The following MATR3 variants were observed in gnomAD, a reference collection of about 807,000 sequenced individuals.
The protein encoded by MATR3 is matrin 3.
In MATR3, 4 loss-of-function variants were observed where a neutral mutation model predicts 85.5. The observed-to-expected ratio is 0.05, with a 90% confidence interval of 0.02 to 0.11. MATR3 has a LOEUF of 0.11. MATR3 is among the 10% of genes least tolerant of loss of function. MATR3 has a pLI of 1.00. For missense variants in MATR3, 685 were observed against 1,016.1 expected, an observed-to-expected ratio of 0.67 and a Z score of 4.43; for synonymous variants, 336 against 343.1, an observed-to-expected ratio of 0.98 and a Z score of 0.23.
intron 1 of MATR3, among the ~76,000 whole-genome samples, chr5:139,303,790 C>T (rs1362271907): frequency 6.6e-6 from 1 of 151,940 alleles, no homozygotes; most frequent in Admixed American, 6.6e-5. Flanking sequence ...TTTTCTAATA[C>T]CTTCTAAGAA....
chr5:139,318,487 C>CA (rs1755370485), intron 7 of MATR3, among the ~76,000 whole-genome samples: 1 of 152,116 alleles, frequency 6.6e-6, no homozygotes, highest in African/African-American at 2.4e-5. Context: ...GTCACTCTGT[C>CA]ACCTGGGCTG....
chr5:139,321,933 G>C lies in MATR3; in HGVS notation c.1638G>C (p.Met546Ile). 6.2e-7 allele frequency: 1 copy of C among 1,613,892 alleles called. No individual in the cohort carries two copies. Among genetic ancestry groups the C allele is most frequent in the Non-Finnish European group, 8.5e-7 (1 of 1,179,918 alleles). Reference sequence around the variant, plus strand: ...AGATGGAGACAAGAGAAGATGCAATGGCAATGGTTGACCATTGTTTGAAAA... The same window carrying C: ...AGATGGAGACAAGAGAAGATGCAATCGCAATGGTTGACCATTGTTTGAAAA... ...FIEMETREDA[M>I]AMVDHCLKKA... The change falls in exon 10 of 15, where the codon ATG becomes ATC. Residue 546 changes from methionine (M) to isoleucine (I), a missense_variant. Met to Ile is a conservative substitution (Grantham distance 10, BLOSUM62 1). This residue lies in a region of MATR3 where 50 missense variants were observed against 133.4 expected (regional missense o/e 0.37). Coordinates refer to ENST00000394805, the MANE Select transcript of MATR3 (RefSeq NM_018834.6).
At chr5:139,324,579 C>G (rs1315857441) in intron 12 of MATR3, among the ~76,000 whole-genome samples, 1 of 152,122 alleles carries the variant, frequency 6.6e-6, no homozygotes, top group African/African-American at 2.4e-5. Context: ...CAGGTGTGAG[C>G]CACCATGCCT....
intron 8 of MATR3, 25 bp downstream of exon 8, chr5:139,319,058 T>C: frequency 6.3e-7 from 1 of 1,592,196 alleles, no homozygotes; most frequent in Non-Finnish European, 8.6e-7. Context: ...TTTCAAGCTG[T>C]ATATCAGTTT....
chr5:139,310,389 A>G (rs2151966889), intron 2 of MATR3: 1 of 152,324 alleles, frequency 6.6e-6, no homozygotes, highest in East Asian at 1.9e-4. Flanking sequence ...AGAAGTTTAA[A>G]CACATGGATT....
Position 139,325,435 on chromosome 5 carries a change from T to C in MATR3, c.2149-5T>C. On this transcript the variant is annotated splice_polypyrimidine_tract_variant and splice_region_variant and intron_variant, in intron 12 of 14. Transcript: ENST00000394805. The stretch of plus-strand genomic sequence containing the variant: ...AAAAATGATGATGGTTTGGTTGAAA[T>C]TAAGGTGGACAAGATCGAGGAACTT... 1 of 1,542,014 alleles carries C rather than the reference T, an allele frequency of 6.5e-7. No homozygotes were observed. Among genetic ancestry groups the C allele is most frequent in the Non-Finnish European group, 8.9e-7 (1 of 1,124,344 alleles).
chr5:139,308,620 T>A (rs1754823163), intron 2 of MATR3, among the ~76,000 whole-genome samples: 1 of 152,228 alleles, frequency 6.6e-6, no homozygotes, highest in African/African-American at 2.4e-5. Flanking sequence ...TAAGCAGGTT[T>A]TTTTTGTCTG....
At position 139,308,210 on chromosome 5, in the gene MATR3, C is replaced by G. The variant is rs1354833142; in HGVS notation, c.795C>G (p.Leu265=). ...RGPGPLQERS[L]FEKKRGAPPS... ...CTGGCCCCTTACAAGAGAGATCTCT[C>G]TTTGAGAAAAAGAGAGGCGCTCCTC... Residue 265 remains leucine, a synonymous_variant, in exon 2 of 15, where the codon CTC becomes CTG. Coordinates refer to ENST00000394805, the MANE Select transcript of MATR3 (RefSeq NM_018834.6). The G allele has an allele frequency of 1.9e-6, 3 of 1,613,932 alleles. No individual in the cohort carries two copies. Among genetic ancestry groups the G allele is most frequent in the Non-Finnish European group, 1.7e-6 (2 of 1,180,004 alleles).
chr5:139,300,794 C>T (rs1336151587), intron 1 of MATR3, among the ~76,000 whole-genome samples: 1 of 152,146 alleles, frequency 6.6e-6, no homozygotes, highest in Non-Finnish European at 1.5e-5. Context: ...AGGCACATGC[C>T]ACCACACCTG....
chr5:139,318,313 T>C (rs1042020427), intron 7 of MATR3, among the ~76,000 whole-genome samples: 3 of 152,174 alleles, frequency 2.0e-5, no homozygotes, highest in Non-Finnish European at 4.4e-5. Context: ...TTTGTATTTT[T>C]AGTAGAGATG....
rs545613001 is a variant in MATR3 at position 139,301,137 on chromosome 5, C to A, written c.-177-6102C>A. Among the ~76,000 whole-genome samples the A allele has an allele frequency of 1.2e-4, 18 of 152,162 alleles. No homozygotes were observed. In the South Asian group the frequency reaches 1.7e-3, roughly 14 times the overall value. ...GCCTAATTTATCGAGTCTTTATGGCCTTATGAAGTAGGTATTATTTTTATT... is the reference window on the plus strand; with the variant it reads ...GCCTAATTTATCGAGTCTTTATGGCATTATGAAGTAGGTATTATTTTTATT... On this transcript the variant is annotated intron_variant, in intron 1 of 14. Transcript: ENST00000394805.
Position 139,328,832 on chromosome 5 carries a change from G to A in MATR3, c.2494-513G>A, listed in dbSNP as rs563713942. ...GCCTGGCCAACACGGTGAAAACCCC[G>A]TCTCTACCAAAAGTACAAAAAAATT... On this transcript the variant is annotated intron_variant, in intron 14 of 14. Transcript: ENST00000394805. Among the ~76,000 whole-genome samples the A allele has an allele frequency of 8.5e-5, 13 of 152,080 alleles. No individual in the cohort carries two copies. The South Asian group carries it at 1.2e-3, about 15-fold the overall frequency.
At chr5:139,326,356 A>G in intron 14 of MATR3, 72 bp downstream of exon 14, 2 of 1,439,222 alleles carry the variant, frequency 1.4e-6, no homozygotes, top group African/African-American at 1.4e-5. Context: ...GTATATAAGT[A>G]AAATGTGTAT....
chr5:139,307,411 C>A lies in MATR3; in HGVS notation c.-5C>A. 1 of 1,612,854 alleles carries A rather than the reference C, an allele frequency of 6.2e-7. No homozygotes were observed. Among genetic ancestry groups the A allele is most frequent in the South Asian group, 1.1e-5 (1 of 90,970 alleles). ...TCTATAAAATAGACAAGAGCTAGTT[C>A]TACAATGTCCAAGTCATTCCAGCAG... On this transcript the variant is annotated 5_prime_UTR_variant, in exon 2 of 15. Coordinates refer to ENST00000394805, the MANE Select transcript of MATR3 (RefSeq NM_018834.6). This position sits in a 1 kb window ranked among gnomAD's most constrained non-coding sequence, Gnocchi z 4.4.
At position 139,285,119 on chromosome 5, in the gene MATR3, T is replaced by A. The variant is rs1484177195; in HGVS notation, c.-178+5990T>A. 3 of 152,246 alleles carry A rather than the reference T, an allele frequency of 2.0e-5. No individual in the cohort carries two copies. The East Asian group carries it at 5.8e-4, about 29-fold the overall frequency. The allele number at this position is 152,246 out of a possible 1,614,324, so 9.4% of individuals were successfully genotyped here. A position where few individuals can be genotyped will look rare whatever the true frequency, so the allele number is the denominator to read the frequency against. On this transcript the variant is annotated intron_variant, in intron 3 of 16. Coordinates refer to ENST00000509990, the Ensembl canonical transcript of MATR3. The stretch of plus-strand genomic sequence containing the variant: ...GTACTGTTTGGTTTAGGAGCTTTCA[T>A]GTATAGTGCCCTCAAGTCTTGTAAA...
rs1754758951 is a variant in MATR3 at position 139,307,308 on chromosome 5, A to AC, written c.-108_-107insC. The AC allele has an allele frequency of 4.8e-6, 7 of 1,471,364 alleles. No homozygotes were observed. The highest frequency in any genetic ancestry group is 1.4e-5 in the African/African-American group (1 of 69,898). 91.1% of individuals were successfully genotyped at this position (1,471,364 alleles called of 1,614,324 possible). ...ATTGATCCTTTTTCTTGGCGTTACC[A>AC]TTTTTGAAGCAAAGTTAACCTAGCT... On this transcript the variant is annotated 5_prime_UTR_variant, in exon 2 of 15. Transcript: ENST00000394805. The surrounding 1 kb of genome is among the most constrained non-coding windows in gnomAD (Gnocchi z 4.4).
At chr5:139,317,446 T>G in intron 6 of MATR3, 150 bp from the exon 7 acceptor site, 1 of 779,018 alleles carries the variant, frequency 1.3e-6, no homozygotes, top group Non-Finnish European at 2.1e-6. Flanking sequence ...TGACGTTTGA[T>G]ATGTAGCTTT....
At chr5:139,320,597 T>C (rs1393672428) in intron 9 of MATR3, among the ~76,000 whole-genome samples, 1 of 152,146 alleles carries the variant, frequency 6.6e-6, no homozygotes, top group Non-Finnish European at 1.5e-5. Context: ...AGTGAGACCC[T>C]GTCTCAAAAA....
chr5:139,327,785 C>T (rs1354413568), intron 14 of MATR3, among the ~76,000 whole-genome samples: 1 of 151,894 alleles, frequency 6.6e-6, no homozygotes, highest in East Asian at 1.9e-4. Context: ...TATGTATTGT[C>T]GAGAAGAATA....
Sources: allele counts gnomAD v4.1 joint callset (sites outside exome capture counted in the v4.1 genomes callset), GRCh38; gene constraint gnomAD v4.1.1; regional missense constraint gnomAD v4.1.1; non-coding constraint Gnocchi (gnomAD v3.1); transcripts MANE v1.5; gene names NCBI Gene and HGNC (gene_info 2026-07-23, HGNC 2026-07-21).